The following CNTN6 variants were observed in gnomAD, a reference collection of about 807,000 sequenced individuals.
CNTN6 encodes the protein contactin-6.
CNTN6 carries 137 observed loss-of-function variants against 122.8 expected under a neutral mutation model. That is an observed-to-expected ratio of 1.12 (90% CI 0.97 to 1.29). The LOEUF (loss-of-function observed/expected upper bound fraction) is 1.29. Among genes scored for constraint, CNTN6 ranks in the 50% most tolerant of loss-of-function variants. The pLI is 0.00. For missense variants in CNTN6, 1,634 were observed against 1,223.4 expected, an observed-to-expected ratio of 1.34 and a Z score of -5.01; for synonymous variants, 570 against 426.0, an observed-to-expected ratio of 1.34 and a Z score of -4.16.
At chr3:1,314,098 C>A (rs1231293408) in intron 7 of CNTN6, among the ~76,000 whole-genome samples, 1 of 152,024 alleles carries the variant, frequency 6.6e-6, no homozygotes, top group Non-Finnish European at 1.5e-5. Flanking sequence ...TCCATTTACA[C>A]CACTCAGAGT....
intron 5 of CNTN6, among the ~76,000 whole-genome samples, chr3:1,287,226 A>G (rs759014448): frequency 5.3e-5 from 8 of 152,202 alleles, no homozygotes; most frequent in Non-Finnish European, 1.2e-4. Context: ...TCTAATAGAC[A>G]TCTACGGGAG....
At chr3:1,180,111 T>C (rs1210014614) in intron 2 of CNTN6, among the ~76,000 whole-genome samples, 2 of 152,304 alleles carry the variant, frequency 1.3e-5, no homozygotes, top group East Asian at 3.9e-4. Flanking sequence ...ATTCCAGCTT[T>C]GTTCATCCCA....
At chr3:1,278,864 A>C (rs751245261) in intron 5 of CNTN6, among the ~76,000 whole-genome samples, 28 of 152,196 alleles carry the variant, frequency 1.8e-4, no homozygotes, top group Non-Finnish European at 3.8e-4. Flanking sequence ...TGGTTTTCTC[A>C]TCTATAAAAT....
Position 1,255,661 on chromosome 3 carries a change from C to G in CNTN6, c.359-22752C>G, listed in dbSNP as rs149933824. Among the ~76,000 whole-genome samples the G allele has an allele frequency of 7.3e-3, 1,112 of 151,884 alleles. 5 individuals are homozygous for G. Among genetic ancestry groups the G allele is most frequent in the Non-Finnish European group, 0.011 (749 of 67,928 alleles). ...CATGATTTAATCGATTATATATAAT[C>G]TAAGTTTAAAATTATTTTTATTATT... On this transcript the variant is annotated intron_variant, in intron 4 of 22. Coordinates refer to ENST00000446702, the MANE Select transcript of CNTN6 (RefSeq NM_001289080.2).
chr3:1,337,099 A>T (rs747271434), intron 11 of CNTN6, among the ~76,000 whole-genome samples: 1 of 152,154 alleles, frequency 6.6e-6, no homozygotes, highest in Admixed American at 6.5e-5. Flanking sequence ...ATAATGCCTG[A>T]CACAGACAAG....
intron 12 of CNTN6, among the ~76,000 whole-genome samples, chr3:1,372,070 T>G (rs912277784): frequency 6.6e-6 from 1 of 152,134 alleles, no homozygotes; most frequent in Non-Finnish European, 1.5e-5. Flanking sequence ...TGTAAACTAT[T>G]TTCATATAAG....
intron 7 of CNTN6, among the ~76,000 whole-genome samples, chr3:1,319,968 A>G (rs1700627259): frequency 6.6e-6 from 1 of 151,746 alleles, no homozygotes; most frequent in Non-Finnish European, 1.5e-5. Flanking sequence ...CTCATATCCT[A>G]TAAAATTCAC....
intron 7 of CNTN6, among the ~76,000 whole-genome samples, chr3:1,319,570 G>C (rs1044248621): frequency 1.3e-5 from 2 of 151,490 alleles, no homozygotes; most frequent in African/African-American, 4.8e-5. Flanking sequence ...AAATAACTAA[G>C]AGCAGAGGGA....
At chr3:1,402,705 G>C (rs890600244) in intron 22 of CNTN6, 12 of 400,644 alleles carry the variant, frequency 3.0e-5, no homozygotes, top group African/African-American at 2.3e-4. Flanking sequence ...AAACCAAAAA[G>C]AGAACAGGAA....
At chr3:1,143,592 G>C (rs1170499156) in intron 1 of CNTN6, among the ~76,000 whole-genome samples, 1 of 152,154 alleles carries the variant, frequency 6.6e-6, no homozygotes, top group African/African-American at 2.4e-5. Context: ...ATTCTGCTGT[G>C]AGTAAATAAC....
At chr3:1,190,179 G>C (rs2093681452) in intron 2 of CNTN6, among the ~76,000 whole-genome samples, 1 of 152,164 alleles carries the variant, frequency 6.6e-6, no homozygotes, top group Non-Finnish European at 1.5e-5. Flanking sequence ...GAGAGAAAGA[G>C]AGGGGAGTGG....
At chr3:1,337,792 C>T (rs779941741) in intron 11 of CNTN6, among the ~76,000 whole-genome samples, 19 of 152,088 alleles carry the variant, frequency 1.2e-4, no homozygotes, top group Admixed American at 1.3e-4. Flanking sequence ...TTGGAGATGT[C>T]AAGAGCCATC....
At chr3:1,162,911 G>T (rs142607709) in intron 2 of CNTN6, among the ~76,000 whole-genome samples, 149 of 152,244 alleles carry the variant, frequency 9.8e-4, no homozygotes, top group African/African-American at 3.5e-3. Context: ...CTCCAAATGA[G>T]AAATGTGGGA....
At chr3:1,268,461 G>T (rs1038548255) in intron 4 of CNTN6, among the ~76,000 whole-genome samples, 39 of 151,804 alleles carry the variant, frequency 2.6e-4, no homozygotes, top group African/African-American at 8.7e-4. Context: ...TAAAAAATTA[G>T]CCAGGCGCGG....
At chr3:1,307,163 T>G (rs919612336) in intron 7 of CNTN6, among the ~76,000 whole-genome samples, 1 of 152,190 alleles carries the variant, frequency 6.6e-6, no homozygotes, top group Non-Finnish European at 1.5e-5. Context: ...CACATTCTCT[T>G]GGGATCAGCT....
chr3:1,335,181 G>T (rs1022736898), intron 11 of CNTN6, among the ~76,000 whole-genome samples: 1 of 152,126 alleles, frequency 6.6e-6, no homozygotes. Flanking sequence ...AATGGTACTT[G>T]TCTCTCTGAT....
At chr3:1,119,128 T>G (rs1337889734) in intron 1 of CNTN6, among the ~76,000 whole-genome samples, 1 of 152,008 alleles carries the variant, frequency 6.6e-6, no homozygotes, top group East Asian at 1.9e-4. Context: ...TTTTACATTC[T>G]GTCTTCGAGA....
intron 7 of CNTN6, among the ~76,000 whole-genome samples, chr3:1,301,838 G>C (rs1394888416): frequency 6.6e-6 from 1 of 152,118 alleles, no homozygotes; most frequent in Non-Finnish European, 1.5e-5. Context: ...AAAATACTTT[G>C]ACTACTTTGG....
intron 4 of CNTN6, among the ~76,000 whole-genome samples, chr3:1,263,686 A>G (rs906642674): frequency 6.6e-6 from 1 of 152,104 alleles, no homozygotes; most frequent in African/African-American, 2.4e-5. Flanking sequence ...TTAATTTATT[A>G]AACATGTTCT....
Sources: allele counts gnomAD v4.1 joint callset (sites outside exome capture counted in the v4.1 genomes callset), GRCh38; gene constraint gnomAD v4.1.1; transcripts MANE v1.5; gene names NCBI Gene and HGNC (gene_info 2026-07-23, HGNC 2026-07-21).